Variants in KLHL1 observed in about 807,000 individuals in gnomAD.
KLHL1 encodes the protein kelch like family member 1, also known as kelch-like protein 1.
In KLHL1, 47 loss-of-function variants were observed where a neutral mutation model predicts 77.7. The ratio of observed to expected loss-of-function variants is 0.60; its 90% CI spans 0.48 to 0.77. The LOEUF (loss-of-function observed/expected upper bound fraction) is 0.77. Among genes scored for constraint, KLHL1 ranks in the 30% least tolerant of loss-of-function variants. The pLI is 0.00. For synonymous variants in KLHL1, 360 were observed against 325.2 expected, an observed-to-expected ratio of 1.11 and a Z score of -1.15; for missense variants, 925 against 910.8, an observed-to-expected ratio of 1.02 and a Z score of -0.20.
intron 7 of KLHL1, among the ~76,000 whole-genome samples, chr13:69,774,003 T>C (rs899183004): frequency 1.3e-5 from 2 of 151,894 alleles, no homozygotes; most frequent in African/African-American, 4.8e-5. Context: ...TTTTCACAAA[T>C]ACAATTGTGT....
chr13:69,986,606 T>C (rs924303513), intron 1 of KLHL1, among the ~76,000 whole-genome samples: 8 of 151,978 alleles, frequency 5.3e-5, no homozygotes, highest in African/African-American at 1.9e-4. Context: ...GTTTTATTCT[T>C]ATGGAGTGTT....
intron 1 of KLHL1, among the ~76,000 whole-genome samples, chr13:70,061,289 A>G (rs1886877901): frequency 6.6e-6 from 1 of 152,110 alleles, no homozygotes; most frequent in Admixed American, 6.5e-5. Context: ...CTCACAATTA[A>G]AAGCCTTGGG....
At chr13:69,922,369 TGGA>T (rs1882670909) in intron 4 of KLHL1, among the ~76,000 whole-genome samples, 1 of 151,982 alleles carries the variant, frequency 6.6e-6, no homozygotes, top group Non-Finnish European at 1.5e-5. Flanking sequence ...TACGAAATGG[TGGA>T]GAACAGTAAA....
intron 1 of KLHL1, among the ~76,000 whole-genome samples, chr13:70,073,228 A>C (rs924491483): frequency 1.3e-5 from 2 of 152,194 alleles, no homozygotes; most frequent in African/African-American, 4.8e-5. Flanking sequence ...CTATGCGGCC[A>C]TAAAAAAGGA....
chr13:69,958,481 C>T (rs1360868154), intron 3 of KLHL1, among the ~76,000 whole-genome samples: 1 of 151,682 alleles, frequency 6.6e-6, no homozygotes, highest in Non-Finnish European at 1.5e-5. Flanking sequence ...AAGCTTATCT[C>T]AAACATTCAT....
intron 6 of KLHL1, among the ~76,000 whole-genome samples, chr13:69,817,617 C>T (rs1424316): frequency 6.6e-6 from 1 of 152,136 alleles, no homozygotes; most frequent in Non-Finnish European, 1.5e-5. Flanking sequence ...GAGACTATTT[C>T]TCTTTTCCAG....
chr13:69,979,333 A>G (rs1219631423), intron 1 of KLHL1, among the ~76,000 whole-genome samples: 1 of 152,034 alleles, frequency 6.6e-6, no homozygotes, highest in Non-Finnish European at 1.5e-5. Flanking sequence ...TCTCTCACAC[A>G]TTTCCTCACA....
chr13:69,701,679 T>C lies in KLHL1; in HGVS notation c.*23A>G. The C allele has an allele frequency of 6.4e-7, 1 of 1,574,242 alleles. No individual in the cohort carries two copies. Among genetic ancestry groups the C allele is most frequent in the Non-Finnish European group, 8.7e-7 (1 of 1,148,616 alleles). On this transcript the variant is annotated 3_prime_UTR_variant, in exon 11 of 11. Coordinates refer to ENST00000377844, the MANE Select transcript of KLHL1 (RefSeq NM_020866.3). ...AATAACCACTCCAGCAAGTAAAATCTTTCCAAGTAAAATATCAATAAGTCA... is the reference window on the plus strand; with the variant it reads ...AATAACCACTCCAGCAAGTAAAATCCTTCCAAGTAAAATATCAATAAGTCA...
rs1305687861 is a variant in KLHL1, at chr13:69,976,274, C to A, written c.498-472G>T. ...TTTTTATTATGAAAAAAATATAAAACCTGGTTTTCAAGTAATACTGACAAT... is the reference window on the plus strand; with the variant it reads ...TTTTTATTATGAAAAAAATATAAAAACTGGTTTTCAAGTAATACTGACAAT... On this transcript the variant is annotated intron_variant, in intron 1 of 10. Coordinates refer to ENST00000377844, the MANE Select transcript of KLHL1 (RefSeq NM_020866.3). Among the ~76,000 whole-genome samples, 3 of 151,870 alleles carry A rather than the reference C, an allele frequency of 2.0e-5. No homozygotes were observed. In the East Asian group the frequency reaches 5.8e-4, roughly 29 times the overall value.
At chr13:69,952,431 C>T (rs913347292) in intron 3 of KLHL1, among the ~76,000 whole-genome samples, 4 of 151,300 alleles carry the variant, frequency 2.6e-5, no homozygotes, top group East Asian at 3.9e-4. Context: ...CTGCATTATC[C>T]TCTCCTCTCA....
chr13:69,838,746 T>C (rs186952797), intron 6 of KLHL1, among the ~76,000 whole-genome samples: 25 of 152,006 alleles, frequency 1.6e-4, no homozygotes, highest in Admixed American at 1.4e-3. Context: ...CTCTTTTTTA[T>C]TTTATATGAA....
intron 6 of KLHL1, among the ~76,000 whole-genome samples, chr13:69,838,236 T>C (rs1174237531): frequency 1.3e-5 from 2 of 151,772 alleles, no homozygotes; most frequent in African/African-American, 4.8e-5. Flanking sequence ...TATTCTATTG[T>C]TGCCAATTCC....
intron 7 of KLHL1, among the ~76,000 whole-genome samples, chr13:69,753,841 GA>G (rs67082157): frequency 0.37 from 56,363 of 150,560 alleles, 10,743 homozygotes; most frequent in Non-Finnish European, 0.39. Context: ...AGAAATAATT[GA>G]AAAAAAAAAT....
At chr13:70,014,474 T>C (rs779569576) in intron 1 of KLHL1, among the ~76,000 whole-genome samples, 5 of 152,054 alleles carry the variant, frequency 3.3e-5, no homozygotes, top group Non-Finnish European at 7.4e-5. Context: ...ATTTATCAGA[T>C]GATCAAAAGT....
chr13:69,849,484 CTCTT>C (rs758100071), intron 5 of KLHL1, among the ~76,000 whole-genome samples: 3 of 151,380 alleles, frequency 2.0e-5, no homozygotes, highest in Non-Finnish European at 3.0e-5. Flanking sequence ...CATTTATGCT[CTCTT>C]TCTCTCTCTC....
chr13:69,758,065 T>G (rs1874848691), intron 7 of KLHL1, among the ~76,000 whole-genome samples: 1 of 152,124 alleles, frequency 6.6e-6, no homozygotes, highest in East Asian at 1.9e-4. Context: ...CTTTATTTTC[T>G]GATGGAGATA....
intron 5 of KLHL1, among the ~76,000 whole-genome samples, chr13:69,840,485 G>A (rs1478300985): frequency 6.6e-6 from 1 of 151,806 alleles, no homozygotes; most frequent in Non-Finnish European, 1.5e-5. Context: ...CTGTCTCCCA[G>A]ATTGCTGGGA....
intron 6 of KLHL1, among the ~76,000 whole-genome samples, chr13:69,837,043 C>A (rs1879022348): frequency 6.6e-6 from 1 of 151,872 alleles, no homozygotes; most frequent in Non-Finnish European, 1.5e-5. Context: ...TTAAAACTTA[C>A]TCATATAAAA....
At chr13:70,046,489 C>T (rs549211781) in intron 1 of KLHL1, among the ~76,000 whole-genome samples, 1 of 151,970 alleles carries the variant, frequency 6.6e-6, no homozygotes, top group African/African-American at 2.4e-5. Context: ...TGTTTTGTTT[C>T]ATTTTGTTTT....
Sources: allele counts gnomAD v4.1 joint callset (sites outside exome capture counted in the v4.1 genomes callset), GRCh38; gene constraint gnomAD v4.1.1; transcripts MANE v1.5; gene names NCBI Gene and HGNC (gene_info 2026-07-23, HGNC 2026-07-21).